SLC68A1: variants seen among roughly 807,000 people sequenced by gnomAD.
SLC68A1 encodes major facilitator superfamily domain containing 13A.
the SLC68A1 span, among the ~76,000 whole-genome samples, chr10:102,466,295 G>C: frequency 6.6e-6 from 1 of 151,922 alleles, no homozygotes; most frequent in Admixed American, 6.6e-5. Context: ...ACCAGCCTGG[G>C]CAACATGGTG....
the SLC68A1 span, among the ~76,000 whole-genome samples, chr10:102,474,733 G>A: frequency 6.6e-6 from 1 of 151,992 alleles, no homozygotes; most frequent in African/African-American, 2.4e-5. Context: ...CTGCAGCCTC[G>A]ACCTCCCAGG....
the SLC68A1 span, chr10:102,470,012 A>G: frequency 3.2e-5 from 51 of 1,613,938 alleles, no homozygotes; most frequent in Non-Finnish European, 4.2e-5. Flanking sequence ...CTCCTCTGGA[A>G]CAGCCTCAAT....
At chr10:102,464,462 A>AT in the SLC68A1 span, among the ~76,000 whole-genome samples, 5 of 151,122 alleles carry the variant, frequency 3.3e-5, no homozygotes, top group African/African-American at 1.2e-4. Flanking sequence ...AAAAAAAAAA[A>AT]ATCATGAAAC....
chr10:102,476,441 G>A, the SLC68A1 span: 1,210 of 901,310 alleles, frequency 1.3e-3, 1 homozygote, highest in Middle Eastern at 5.1e-3. Flanking sequence ...CTGACCTCAA[G>A]TGATCTGCCT....
the SLC68A1 span, chr10:102,469,949 G>A: frequency 6.2e-7 from 1 of 1,602,250 alleles, no homozygotes; most frequent in Admixed American, 1.7e-5. Context: ...CCCTGGAGAG[G>A]ATGCTGTCTA....
chr10:102,467,403 T>A, the SLC68A1 span, among the ~76,000 whole-genome samples: 1 of 152,252 alleles, frequency 6.6e-6, no homozygotes, highest in Admixed American at 6.5e-5. Context: ...AATAGATGTG[T>A]TCATTATCTT....
At chr10:102,468,725 GC>G in the SLC68A1 span, 1 of 284,138 alleles carries the variant, frequency 3.5e-6, no homozygotes, top group Non-Finnish European at 6.7e-6. Flanking sequence ...CTCAGCACTT[GC>G]TGGGTGTCTG....
At chr10:102,476,030 G>C in the SLC68A1 span, 1 of 1,390,054 alleles carries the variant, frequency 7.2e-7, no homozygotes, top group Non-Finnish European at 9.4e-7. Flanking sequence ...TGGCAGCCTG[G>C]GGAAGGAGCC....
At chr10:102,472,903 A>G in the SLC68A1 span, 2 of 1,614,024 alleles carry the variant, frequency 1.2e-6, no homozygotes, top group African/African-American at 2.7e-5. Flanking sequence ...TTCCTGGAGC[A>G]TCTGTTGTCC....
the SLC68A1 span, chr10:102,476,731 C>T: frequency 2.1e-5 from 21 of 986,142 alleles, no homozygotes; most frequent in African/African-American, 7.0e-5. Flanking sequence ...GGGGGCTGCC[C>T]TGTGGTGCAC....
chr10:102,465,552 C>T, the SLC68A1 span, among the ~76,000 whole-genome samples: 44 of 152,260 alleles, frequency 2.9e-4, no homozygotes, highest in African/African-American at 9.9e-4. Context: ...ACTTTGTGGG[C>T]GAGGAGCCTG....
the SLC68A1 span, chr10:102,473,581 G>C: frequency 1.2e-6 from 2 of 1,608,378 alleles, no homozygotes; most frequent in Non-Finnish European, 1.7e-6. Flanking sequence ...CCTCTCCTAT[G>C]TCGCTCCCCA....
At chr10:102,468,925 C>T in the SLC68A1 span, 2 of 913,686 alleles carry the variant, frequency 2.2e-6, no homozygotes, top group Non-Finnish European at 3.3e-6. Context: ...GGCTCTGATC[C>T]CTGTTGCTCA....
At chr10:102,462,561 A>G in the SLC68A1 span, among the ~76,000 whole-genome samples, 2 of 152,088 alleles carry the variant, frequency 1.3e-5, no homozygotes, top group African/African-American at 4.8e-5. Context: ...TGGTTCAGAA[A>G]TCAGGGAGAT....
the SLC68A1 span, chr10:102,476,243 T>A: frequency 2.1e-6 from 1 of 471,686 alleles, no homozygotes; most frequent in Non-Finnish European, 3.3e-6. Flanking sequence ...ACTTTTTGTA[T>A]TTTTAGTAGA....
At chr10:102,474,035 G>A in the SLC68A1 span, 2 of 1,568,720 alleles carry the variant, frequency 1.3e-6, no homozygotes, top group African/African-American at 1.3e-5. Flanking sequence ...TAGCAGGCAA[G>A]GGCTCTTAAG....
At chr10:102,476,529 G>C in the SLC68A1 span, 24 of 986,072 alleles carry the variant, frequency 2.4e-5, no homozygotes, top group South Asian at 9.9e-4. Context: ...CCAGCACCCT[G>C]CTCCACTGCC....
At chr10:102,467,186 G>A in the SLC68A1 span, among the ~76,000 whole-genome samples, 16 of 152,150 alleles carry the variant, frequency 1.1e-4, no homozygotes, top group Non-Finnish European at 1.6e-4. Context: ...ACAGGCGCCC[G>A]CCACCACGCC....
chr10:102,471,406 G>A, the SLC68A1 span: 2 of 1,607,450 alleles, frequency 1.2e-6, no homozygotes, highest in Non-Finnish European at 1.7e-6. Flanking sequence ...GGTATGGGGA[G>A]CAGCTCCCGG....
Sources: allele counts gnomAD v4.1 joint callset (sites outside exome capture counted in the v4.1 genomes callset), GRCh38; gene constraint gnomAD v4.1.1; transcripts MANE v1.5; gene names NCBI Gene and HGNC (gene_info 2026-07-23, HGNC 2026-07-21).